The following CNTNAP5 variants were observed in gnomAD, a reference collection of about 807,000 sequenced individuals.
CNTNAP5 encodes contactin-associated protein-like 5.
Under a neutral mutation model 150.2 loss-of-function variants are expected in CNTNAP5, and 72 were observed. That is an observed-to-expected ratio of 0.48 (90% CI 0.40 to 0.58). The LOEUF (loss-of-function observed/expected upper bound fraction) is 0.58. Ranked by LOEUF, CNTNAP5 falls within the 20% of genes least tolerant of loss-of-function variation. The pLI is 0.00. For missense variants in CNTNAP5, 1,636 were observed against 1,626.2 expected (o/e 1.01, Z -0.10); for synonymous variants, 672 against 619.8 (o/e 1.08, Z -1.25).
intron 6 of CNTNAP5, among the ~76,000 whole-genome samples, chr2:124,459,758 TA>T (rs11355936): frequency 0.68 from 77,270 of 113,182 alleles, 25,873 homozygotes; most frequent in East Asian, 0.92. Context: ...AATTCCTCTG[TA>T]AAAAAAAAAA....
intron 16 of CNTNAP5, among the ~76,000 whole-genome samples, chr2:124,769,276 C>A (rs188985197): frequency 1.3e-5 from 2 of 152,130 alleles, no homozygotes. Context: ...CTGTTACAGC[C>A]CTAAACATGC....
intron 13 of CNTNAP5, among the ~76,000 whole-genome samples, chr2:124,702,562 T>C (rs1490976084): frequency 6.6e-6 from 1 of 151,678 alleles, no homozygotes; most frequent in East Asian, 2.0e-4. Context: ...GTCCCTGAGT[T>C]TAATAGTGCC....
At chr2:124,838,658 T>G (rs1207251750) in intron 19 of CNTNAP5, among the ~76,000 whole-genome samples, 1 of 152,138 alleles carries the variant, frequency 6.6e-6, no homozygotes, top group Non-Finnish European at 1.5e-5. Flanking sequence ...TTCATAACTC[T>G]TAGATCTCCA....
intron 13 of CNTNAP5, among the ~76,000 whole-genome samples, chr2:124,702,436 C>T (rs1388515128): frequency 3.3e-5 from 4 of 122,344 alleles, no homozygotes; most frequent in Admixed American, 1.1e-4. Flanking sequence ...GCCTTTAATG[C>T]CACTCTCAAC....
At chr2:124,860,695 C>G (rs746413168) in intron 19 of CNTNAP5, among the ~76,000 whole-genome samples, 1 of 151,850 alleles carries the variant, frequency 6.6e-6, no homozygotes, top group Non-Finnish European at 1.5e-5. Context: ...TTGATTTGTG[C>G]GAGTTAGGCA....
intron 1 of CNTNAP5, among the ~76,000 whole-genome samples, chr2:124,185,683 C>T (rs910561561): frequency 6.6e-6 from 1 of 151,538 alleles, no homozygotes; most frequent in African/African-American, 2.4e-5. Flanking sequence ...TTAAACTGCA[C>T]CATCAGGATA....
chr2:124,054,276 G>A (rs186418561), intron 1 of CNTNAP5, among the ~76,000 whole-genome samples: 52 of 152,266 alleles, frequency 3.4e-4, no homozygotes, highest in Admixed American at 6.5e-4. Flanking sequence ...TTGGGTGAGG[G>A]GAGATATGGG....
chr2:124,801,390 T>A (rs1375635870), intron 19 of CNTNAP5, among the ~76,000 whole-genome samples: 1 of 152,168 alleles, frequency 6.6e-6, no homozygotes. Context: ...AGGGAGACTT[T>A]GACTAAATTT....
At chr2:124,811,188 C>T (rs1202443357) in intron 19 of CNTNAP5, among the ~76,000 whole-genome samples, 1 of 152,052 alleles carries the variant, frequency 6.6e-6, no homozygotes, top group African/African-American at 2.4e-5. Context: ...AAGACAGCTC[C>T]TTATTTACAA....
At chr2:124,083,361 A>AAAAT (rs945121611) in intron 1 of CNTNAP5, among the ~76,000 whole-genome samples, 10 of 152,136 alleles carry the variant, frequency 6.6e-5, no homozygotes, top group East Asian at 1.9e-4. Context: ...TCCATCTCAA[A>AAAAT]AAATAAATAA....
intron 1 of CNTNAP5, among the ~76,000 whole-genome samples, chr2:124,167,854 T>C (rs1684842337): frequency 6.6e-6 from 1 of 151,940 alleles, no homozygotes; most frequent in Admixed American, 6.6e-5. Flanking sequence ...TCCCAAGTGG[T>C]GCAAGGCTGA....
At chr2:124,904,167 G>T (rs377455049) in intron 22 of CNTNAP5, among the ~76,000 whole-genome samples, 1 of 150,760 alleles carries the variant, frequency 6.6e-6, no homozygotes, top group Non-Finnish European at 1.5e-5. Context: ...GACAACCGCC[G>T]TTCTCTCTGT....
At chr2:124,786,390 AGAAAGAAAGAAGGAAGGAAGGAAGGAAG>A (rs1681581285) in intron 17 of CNTNAP5, among the ~76,000 whole-genome samples, 4 of 74,698 alleles carry the variant, frequency 5.4e-5, no homozygotes, top group Admixed American at 2.6e-4. Context: ...AAAGAAAGAA[AGAAAGAAAGAAGGAAGGAAGGAAGGAAG>A]GAAGGAAGGA....
intron 11 of CNTNAP5, among the ~76,000 whole-genome samples, chr2:124,579,114 A>T (rs923289944): frequency 1.3e-5 from 2 of 152,178 alleles, no homozygotes; most frequent in Non-Finnish European, 2.9e-5. Context: ...TCAGAAACAG[A>T]CATTGTTTTA....
chr2:124,277,308 G>A (rs971952519), intron 3 of CNTNAP5, among the ~76,000 whole-genome samples: 1 of 152,134 alleles, frequency 6.6e-6, no homozygotes, highest in Non-Finnish European at 1.5e-5. Flanking sequence ...GAAAGCTCAG[G>A]CCCTTTTTGG....
At chr2:124,334,612 T>G (rs1326496571) in intron 3 of CNTNAP5, among the ~76,000 whole-genome samples, 1 of 152,250 alleles carries the variant, frequency 6.6e-6, no homozygotes, top group East Asian at 1.9e-4. Flanking sequence ...CTGAACTGAA[T>G]TGGGGAAGGA....
At chr2:124,384,431 G>A (rs920057015) in intron 3 of CNTNAP5, among the ~76,000 whole-genome samples, 6 of 152,176 alleles carry the variant, frequency 3.9e-5, no homozygotes, top group African/African-American at 1.4e-4. Context: ...AAGCTCCTAT[G>A]TAGGATAGAG....
At chr2:124,137,439 A>G (rs1399931905) in intron 1 of CNTNAP5, among the ~76,000 whole-genome samples, 1 of 152,142 alleles carries the variant, frequency 6.6e-6, no homozygotes, top group African/African-American at 2.4e-5. Context: ...ACTTCAGTGA[A>G]GTCTTTTGAC....
chr2:124,447,192 A>AT lies in CNTNAP5; in HGVS notation c.918+266dup, dbSNP rs78640610. 3.0e-4 allele frequency among the ~76,000 whole-genome samples: 38 copies of AT among 128,410 alleles called. 1 individual carries two copies. The highest frequency in any genetic ancestry group is 8.0e-4 in the East Asian group (4 of 5,028). 84.2% of individuals were successfully genotyped at this position (128,410 alleles called of 152,430 possible). On this transcript the variant is annotated intron_variant, in intron 6 of 23. Coordinates refer to ENST00000682447, the MANE Select transcript of CNTNAP5 (RefSeq NM_001367498.1). Reference sequence around the variant, plus strand: ...TTAAAATCCAGCAGGTTTCCTTCTCATTTTTTTTTTTCCTGCGTGTAGACT... The same window carrying AT: ...TTAAAATCCAGCAGGTTTCCTTCTCATTTTTTTTTTTTCCTGCGTGTAGACT...
Sources: gnomAD v4.1 joint callset for allele counts (sites outside exome capture counted in the v4.1 genomes callset) on GRCh38, gnomAD v4.1.1 for gene constraint, MANE v1.5 for transcripts, NCBI Gene and HGNC (gene_info 2026-07-23, HGNC 2026-07-21) for gene names.